Variants in RASAL2 observed in about 807,000 individuals in gnomAD.
RASAL2 encodes the protein RAS protein activator like 2, also known as ras GTPase-activating protein nGAP.
Under a neutral mutation model 128.9 loss-of-function variants are expected in RASAL2, and 58 were observed. The observed-to-expected ratio is 0.45, with a 90% CI of 0.36 to 0.56. The LOEUF is 0.56. Among genes scored for constraint, RASAL2 ranks in the 20% least tolerant of loss-of-function variants. The probability of loss-of-function intolerance (pLI) is 0.00; values close to 1 mark genes in which losing one functional copy is unlikely to be tolerated. For synonymous variants in RASAL2, 561 were observed against 580.8 expected (o/e 0.97, Z 0.49); for missense variants, 1,360 against 1,601.6 (o/e 0.85, Z 2.57).
At chr1:178,373,303 A>G (rs1439826180) in intron 3 of RASAL2, among the ~76,000 whole-genome samples, 1 of 24,230 alleles carries the variant, frequency 4.1e-5, no homozygotes, top group Non-Finnish European at 7.7e-5. Flanking sequence ...GTTTAGATGT[A>G]AAGGGTCATC....
intron 1 of RASAL2, among the ~76,000 whole-genome samples, chr1:178,198,714 T>C (rs1662760701): frequency 6.6e-6 from 1 of 152,158 alleles, no homozygotes; most frequent in Non-Finnish European, 1.5e-5. Context: ...CACCTGGTTG[T>C]ATGAGGTGTC....
At chr1:178,455,325 A>C (rs1231932853) in intron 12 of RASAL2, among the ~76,000 whole-genome samples, 4 of 152,220 alleles carry the variant, frequency 2.6e-5, no homozygotes. Flanking sequence ...TAGGCTTATT[A>C]CAATAATTAT....
chr1:178,156,074 T>A (rs1558085311), intron 1 of RASAL2, among the ~76,000 whole-genome samples: 1 of 152,326 alleles, frequency 6.6e-6, no homozygotes, highest in East Asian at 1.9e-4. Context: ...ACTGCACAGC[T>A]GGGAGCTTGT....
Position 178,476,275 on chromosome 1 carries a change from A to T in RASAL2, c.*3036A>T, listed in dbSNP as rs1192983905. ...CATTAATGAGGACAGTGTTGGTAGG[A>T]GTCAGAAAAGAGCTTCATATTCCCC... On this transcript the variant is annotated 3_prime_UTR_variant, in exon 18 of 18. Transcript: ENST00000367649. 1 of 152,228 alleles carries T rather than the reference A, an allele frequency of 6.6e-6. No homozygotes were observed. The highest frequency in any genetic ancestry group is 1.9e-4 in the East Asian group (1 of 5,190). 9.4% of individuals were successfully genotyped at this position (152,228 alleles called of 1,614,324 possible). A position where few individuals can be genotyped will look rare whatever the true frequency, so the allele number is the denominator to read the frequency against.
intron 2 of RASAL2, among the ~76,000 whole-genome samples, chr1:178,289,513 C>G (rs2102234788): frequency 6.6e-6 from 1 of 152,158 alleles, no homozygotes; most frequent in South Asian, 2.1e-4. Flanking sequence ...TGGAGTCTCA[C>G]TATGTTGCCC....
Position 178,420,312 on chromosome 1 carries a change from A to G in RASAL2, c.565-199A>G, listed in dbSNP as rs557470324. On this transcript the variant is annotated intron_variant, in intron 4 of 17. Transcript: ENST00000367649. ...GCTACTAGAAAGTTTAGTTATCCCA[A>G]TTCTCACAGAAGAAAATTTTCTCAT... is the stretch of plus-strand genomic sequence containing the variant. Among the ~76,000 whole-genome samples the G allele has an allele frequency of 2.5e-4, 38 of 152,336 alleles. No individual in the cohort carries two copies. The South Asian group carries it at 6.2e-3, about 25-fold the overall frequency.
intron 2 of RASAL2, among the ~76,000 whole-genome samples, chr1:178,293,060 G>A (rs1192186955): frequency 1.3e-5 from 2 of 152,070 alleles, no homozygotes; most frequent in Non-Finnish European, 2.9e-5. Flanking sequence ...GCTACCTATG[G>A]CATATTTCAT....
At chr1:178,283,765 G>A in intron 2 of RASAL2, 74 bp downstream of exon 2, 2 of 1,563,156 alleles carry the variant, frequency 1.3e-6, no homozygotes, top group Non-Finnish European at 1.8e-6. Flanking sequence ...GTTTTTGTTT[G>A]CATTTTGAAA....
At chr1:178,112,513 G>A (rs1331608764) in intron 1 of RASAL2, among the ~76,000 whole-genome samples, 1 of 151,872 alleles carries the variant, frequency 6.6e-6, no homozygotes, top group Non-Finnish European at 1.5e-5. Flanking sequence ...TCGCGACACT[G>A]CACTCCCGCC....
chr1:178,110,650 A>ATATATATGTATG (rs68137228), intron 1 of RASAL2, among the ~76,000 whole-genome samples: 62 of 139,162 alleles, frequency 4.5e-4, no homozygotes, highest in South Asian at 2.1e-3. Context: ...ATATATATAT[A>ATATATATGTATG]TATGTATGTA....
intron 4 of RASAL2, among the ~76,000 whole-genome samples, chr1:178,397,271 A>G (rs954632575): frequency 1.3e-5 from 2 of 152,258 alleles, no homozygotes; most frequent in Non-Finnish European, 2.9e-5. Flanking sequence ...ATTTATCCAT[A>G]CAATGGCTTA....
At chr1:178,110,500 TATATATAGC>T (rs890502955) in intron 1 of RASAL2, among the ~76,000 whole-genome samples, 6 of 147,122 alleles carry the variant, frequency 4.1e-5, no homozygotes, top group Admixed American at 1.4e-4. Flanking sequence ...GTATATATAG[TATATATAGC>T]ATATATAGTG....
At chr1:178,431,903 T>C (rs974445070) in intron 5 of RASAL2, among the ~76,000 whole-genome samples, 22 of 148,782 alleles carry the variant, frequency 1.5e-4, no homozygotes, top group African/African-American at 5.4e-4. Context: ...AAATATATTG[T>C]TATATAAATA....
intron 3 of RASAL2, among the ~76,000 whole-genome samples, chr1:178,373,233 T>G (rs1671808639): frequency 2.0e-5 from 3 of 150,700 alleles, no homozygotes; most frequent in African/African-American, 7.3e-5. Context: ...CATAAGTTTA[T>G]CTTTCAATTC....
In RASAL2 at chr1:178,143,034, C is replaced by G. The variant is rs566572217; in HGVS notation, c.202+48340C>G. ...GGCACGCTTCACAGGCCCTGACTGT[C>G]TGCTTGATAGTTTTGAAAAGGCCTG... On this transcript the variant is annotated intron_variant, in intron 1 of 17. Coordinates refer to ENST00000367649, the MANE Select transcript of RASAL2 (RefSeq NM_170692.4). Among the ~76,000 whole-genome samples, 16 of 151,982 alleles carry G rather than the reference C, an allele frequency of 1.1e-4. No homozygotes were observed. The South Asian group carries it at 1.2e-3, about 12-fold the overall frequency.
At chr1:178,174,552 T>C (rs1453868103) in intron 1 of RASAL2, among the ~76,000 whole-genome samples, 2 of 152,180 alleles carry the variant, frequency 1.3e-5, no homozygotes, top group Non-Finnish European at 2.9e-5. Flanking sequence ...ACTTTTCTTA[T>C]CAGGTTGGCA....
At position 178,293,103 on chromosome 1, in the gene RASAL2, A is replaced by C. The variant is rs536658559; in HGVS notation, c.331-6889A>C. 6.6e-5 allele frequency among the ~76,000 whole-genome samples: 10 copies of C among 152,354 alleles called. No individual in the cohort carries two copies. The South Asian group carries it at 2.1e-3, about 32-fold the overall frequency. On this transcript the variant is annotated intron_variant, in intron 2 of 17. Transcript: ENST00000367649. ...CACTTTTAAATTATTCAATAGATAT[A>C]TAATATGCCCTTATATGTTATTCAC... is the stretch of plus-strand genomic sequence containing the variant.
At chr1:178,162,341 TATGTGTATATAATATATAA>T in intron 1 of RASAL2, among the ~76,000 whole-genome samples, 1 of 128,694 alleles carries the variant, frequency 7.8e-6, no homozygotes, top group Non-Finnish European at 1.6e-5. Context: ...TAATATATAT[TATGTGTATATAATATATAA>T]TATACATATA....
chr1:178,231,748 A>G (rs1434477388), intron 1 of RASAL2, among the ~76,000 whole-genome samples: 1 of 152,108 alleles, frequency 6.6e-6, no homozygotes, highest in African/African-American at 2.4e-5. Flanking sequence ...TTAGAACTTG[A>G]TATTTATTGT....
Sources: gnomAD v4.1 joint callset for allele counts (sites outside exome capture counted in the v4.1 genomes callset) on GRCh38, gnomAD v4.1.1 for gene constraint, MANE v1.5 for transcripts, NCBI Gene and HGNC (gene_info 2026-07-23, HGNC 2026-07-21) for gene names.